NDUFB1: variants seen among roughly 807,000 people sequenced by gnomAD.
The protein encoded by NDUFB1 is NADH:ubiquinone oxidoreductase subunit B1, also known as NADH dehydrogenase [ubiquinone] 1 beta subcomplex subunit 1.
Under a neutral mutation model 6.7 loss-of-function variants are expected in NDUFB1, and 6 were observed. That is an observed-to-expected ratio of 0.89 (90% CI 0.49 to 1.76). The LOEUF is 1.76. Among genes scored for constraint, NDUFB1 ranks in the 40% most tolerant of loss-of-function variants. The probability of loss-of-function intolerance (pLI) is 0.01; values close to 1 mark genes in which losing one functional copy is unlikely to be tolerated. For missense variants in NDUFB1, 56 were observed against 71.0 expected, an observed-to-expected ratio of 0.79 and a Z score of 0.76; for synonymous variants, 17 against 22.9, an observed-to-expected ratio of 0.74 and a Z score of 0.74.
At chr14:92,120,913 G>C (rs938490202) in intron 1 of NDUFB1, among the ~76,000 whole-genome samples, 1 of 151,172 alleles carries the variant, frequency 6.6e-6, no homozygotes, top group Non-Finnish European at 1.5e-5. Context: ...TGTAATCCCA[G>C]CACTTTGGGA....
chr14:92,117,549 T>C lies in NDUFB1; in HGVS notation c.89A>G (p.Lys30Arg). 1 of 1,613,794 alleles carries C rather than the reference T, an allele frequency of 6.2e-7. No homozygotes were observed. Among genetic ancestry groups the C allele is most frequent in the South Asian group, 1.1e-5 (1 of 91,074 alleles). ...GFVIGCYLDR[K>R]SDERLTAFRN... ...GAAGGCAGTTAGCCGTTCATCACTCTTTCTGTCTAAATAACATCCAATGAC... is the reference window on the plus strand; with the variant it reads ...GAAGGCAGTTAGCCGTTCATCACTCCTTCTGTCTAAATAACATCCAATGAC... The change falls in exon 2 of 3, where the codon AAG becomes AGG. Residue 30 changes from lysine (K) to arginine (R), a missense_variant. Coordinates refer to ENST00000605997, the MANE Select transcript of NDUFB1 (RefSeq NM_004545.4).
chr14:92,116,581 T>A (rs955364768), intron 2 of NDUFB1, among the ~76,000 whole-genome samples: 3 of 151,980 alleles, frequency 2.0e-5, no homozygotes, highest in African/African-American at 7.3e-5. Flanking sequence ...GGAATCCACC[T>A]GCCTCGGCCT....
intron 1 of NDUFB1, among the ~76,000 whole-genome samples, chr14:92,120,007 T>C (rs2068741695): frequency 6.6e-6 from 1 of 152,142 alleles, no homozygotes; most frequent in African/African-American, 2.4e-5. Context: ...GTTTCACATA[T>C]GGGGGCATTT....
chr14:92,121,677 AG>A lies in NDUFB1; in HGVS notation c.-42del. The A allele has an allele frequency of 1.2e-6, 2 of 1,613,366 alleles. No homozygotes were observed. The highest frequency in any genetic ancestry group is 1.7e-6 in the Non-Finnish European group (2 of 1,179,876). On this transcript the variant is annotated 5_prime_UTR_variant, in exon 1 of 3. Coordinates refer to ENST00000605997, the MANE Select transcript of NDUFB1 (RefSeq NM_004545.4). The stretch of plus-strand genomic sequence containing the variant: ...AGCGCCTACAGCGACCCCGAGACCA[AG>A]GGCAACAGGGAACTCAACCCGCGCC...
Position 92,117,528 on chromosome 14 carries a change from G to A in NDUFB1, c.110C>T (p.Ala37Val). Residue 37 changes from alanine (A) to valine (V), a missense_variant, in exon 2 of 3, where the codon GCC becomes GTC. Physicochemically the swap from Ala to Val is moderately conservative, Grantham distance 64 (BLOSUM62 0). Transcript: ENST00000605997. ...AAATAACATACTCTTGTTCCGGAAG[G>A]CAGTTAGCCGTTCATCACTCTTTCT... ...LDRKSDERLT[A>V]FRNKSMLFKR... is the part of the protein sequence containing the mutation. 6.2e-7 allele frequency: 1 copy of A among 1,613,124 alleles called. No homozygotes were observed. Among genetic ancestry groups the A allele is most frequent in the Non-Finnish European group, 8.5e-7 (1 of 1,179,982 alleles).
chr14:92,121,554 G>T, intron 1 of NDUFB1, 88 bp downstream of exon 1: 1 of 1,582,902 alleles, frequency 6.3e-7, no homozygotes, highest in Non-Finnish European at 8.6e-7. Context: ...CTCCACACAT[G>T]CACAGCACCG....
Position 92,117,518 on chromosome 14 carries a change from G to C in NDUFB1, c.120C>G (p.Asn40Lys). The change falls in exon 2 of 3, where the codon AAC (asparagine) becomes AAG (lysine). Residue 40 changes from asparagine (N) to lysine (K), a missense_variant. By Grantham distance (94) the Asn-to-Lys change is moderately conservative (BLOSUM62 0). Transcript: ENST00000605997. ...KSDERLTAFR[N>K]KSMLFKRELQ... Reference sequence around the variant, plus strand: ...CTAACCTTTTAAATAACATACTCTTGTTCCGGAAGGCAGTTAGCCGTTCAT... The same window carrying C: ...CTAACCTTTTAAATAACATACTCTTCTTCCGGAAGGCAGTTAGCCGTTCAT... 3.1e-6 allele frequency: 5 copies of C among 1,612,826 alleles called. No individual in the cohort carries two copies. Among genetic ancestry groups the C allele is most frequent in the Non-Finnish European group, 4.2e-6 (5 of 1,179,980 alleles).
At chr14:92,121,516 G>C in intron 1 of NDUFB1, 126 bp downstream of exon 1, 1 of 1,388,868 alleles carries the variant, frequency 7.2e-7, no homozygotes, top group Non-Finnish European at 9.9e-7. Flanking sequence ...ACCTTCGTTC[G>C]GAAGCCCCGG....
rs527849899 is a variant in NDUFB1 at position 92,116,565 on chromosome 14, C to T, written c.141-336G>A. ...GGCCAGGCTGGTCTCGAACTCCTGACCTCAAGGAATCCACCTGCCTCGGCC... is the reference window on the plus strand; with the variant it reads ...GGCCAGGCTGGTCTCGAACTCCTGATCTCAAGGAATCCACCTGCCTCGGCC... On this transcript the variant is annotated intron_variant, in intron 2 of 2. Transcript: ENST00000605997. Among the ~76,000 whole-genome samples the T allele has an allele frequency of 9.9e-5, 15 of 151,952 alleles. No individual in the cohort carries two copies. In the East Asian group the frequency reaches 2.7e-3, roughly 27 times the overall value.
At chr14:92,121,354 G>T in intron 1 of NDUFB1, 1 of 514,906 alleles carries the variant, frequency 1.9e-6, no homozygotes, top group Non-Finnish European at 3.5e-6. Context: ...GATCCGGGCC[G>T]GTCTTCTCTC....
chr14:92,118,657 A>G (rs141179975), intron 1 of NDUFB1: 459 of 152,426 alleles, frequency 3.0e-3, no homozygotes, highest in Middle Eastern at 0.01. Context: ...GTCACTGTAG[A>G]TATGAATATA....
At chr14:92,119,884 T>C (rs948300867) in intron 1 of NDUFB1, among the ~76,000 whole-genome samples, 1 of 151,996 alleles carries the variant, frequency 6.6e-6, no homozygotes, top group Non-Finnish European at 1.5e-5. Context: ...ACCTCAATCT[T>C]CTGAGAAGCT....
chr14:92,117,784 G>C, intron 1 of NDUFB1, 142 bp from the exon 2 acceptor site: 2 of 801,690 alleles, frequency 2.5e-6, no homozygotes, highest in Non-Finnish European at 4.0e-6. Flanking sequence ...GATCACTTGA[G>C]ATTAGGAGTT....
chr14:92,121,489 C>A, intron 1 of NDUFB1, 153 bp downstream of exon 1: 1 of 1,150,714 alleles, frequency 8.7e-7, no homozygotes, highest in Non-Finnish European at 1.2e-6. Context: ...AAGAAAACCC[C>A]ATTTTCCTTT....
rs758028872 is a variant in NDUFB1, at chr14:92,117,510, A to G, written c.128T>C (p.Met43Thr). Residue 43 changes from methionine (M) to threonine (T), a missense_variant, in exon 2 of 3, where the codon ATG becomes ACG. By Grantham distance (81) the Met-to-Thr change is moderately conservative. Coordinates refer to ENST00000605997, the MANE Select transcript of NDUFB1 (RefSeq NM_004545.4). ...AATGCAGACTAACCTTTTAAATAACATACTCTTGTTCCGGAAGGCAGTTAG... is the reference window on the plus strand; with the variant it reads ...AATGCAGACTAACCTTTTAAATAACGTACTCTTGTTCCGGAAGGCAGTTAG... ...ERLTAFRNKS[M>T]LFKRELQPSE... 1.4e-5 allele frequency: 22 copies of G among 1,612,664 alleles called. No homozygotes were observed. Among genetic ancestry groups the G allele is most frequent in the Non-Finnish European group, 1.7e-5 (20 of 1,179,974 alleles).
chr14:92,118,974 A>C, intron 1 of NDUFB1: 2 of 360,642 alleles, frequency 5.5e-6, no homozygotes, highest in Non-Finnish European at 1.0e-5. Flanking sequence ...TCTCTGTCTC[A>C]GAAAAAAAAG....
rs2068717487 is a variant in NDUFB1, at chr14:92,116,345, T to C, written c.141-116A>G. 3 of 996,810 alleles carry C rather than the reference T, an allele frequency of 3.0e-6. 1 individual carries two copies. The highest frequency in any genetic ancestry group is 4.9e-5 in the Admixed American group (2 of 41,144). 61.7% of individuals were successfully genotyped at this position (996,810 alleles called of 1,614,324 possible). A position where few individuals can be genotyped will look rare whatever the true frequency, so the allele number is the denominator to read the frequency against. ...TATTTCATTTTCTTTTTTTTTTTTT[T>C]TTTTTTGAGACGAAGTCTGGCTTTG... On this transcript the variant is annotated intron_variant, in intron 2 of 2. Coordinates refer to ENST00000605997, the MANE Select transcript of NDUFB1 (RefSeq NM_004545.4).
At chr14:92,117,866 T>C (rs2068727693) in intron 1 of NDUFB1, 1 of 486,320 alleles carries the variant, frequency 2.1e-6, no homozygotes, top group Admixed American at 3.4e-5. Flanking sequence ...GGTGTGGTGG[T>C]GCGCGTCTGT....
chr14:92,117,543 T>C lies in NDUFB1; in HGVS notation c.95A>G (p.Asp32Gly), dbSNP rs2068724755. The C allele has an allele frequency of 6.2e-7, 1 of 1,613,648 alleles. No homozygotes were observed. Residue 32 changes from aspartate (D) to glycine (G), a missense_variant, in exon 2 of 3, where the codon GAT becomes GGT. Asp to Gly is a moderately conservative substitution (Grantham distance 94, BLOSUM62 -1). Transcript: ENST00000605997. ...VIGCYLDRKS[D>G]ERLTAFRNKS... ...GTTCCGGAAGGCAGTTAGCCGTTCA[T>C]CACTCTTTCTGTCTAAATAACATCC...
Sources: gnomAD v4.1 joint callset for allele counts (sites outside exome capture counted in the v4.1 genomes callset) on GRCh38, gnomAD v4.1.1 for gene constraint, MANE v1.5 for transcripts, NCBI Gene and HGNC (gene_info 2026-07-23, HGNC 2026-07-21) for gene names.